SUCLG2: variants seen among roughly 807,000 people sequenced by gnomAD.
The protein encoded by SUCLG2 is succinate--CoA ligase [GDP-forming] subunit beta, mitochondrial.
A neutral mutation model predicts 47.9 loss-of-function variants in SUCLG2; 42 were observed. That is an observed-to-expected ratio of 0.88 (90% CI 0.69 to 1.14). The LOEUF (loss-of-function observed/expected upper bound fraction) is 1.14. Ranked by LOEUF, SUCLG2 falls within the 50% of genes most tolerant of loss-of-function variation. The pLI is 0.00. For synonymous variants in SUCLG2, 195 were observed against 197.3 expected, an observed-to-expected ratio of 0.99 and a Z score of 0.10; for missense variants, 571 against 525.9, an observed-to-expected ratio of 1.09 and a Z score of -0.84.
At chr3:67,513,114 G>C (rs1415017923) in intron 6 of SUCLG2, among the ~76,000 whole-genome samples, 1 of 144,886 alleles carries the variant, frequency 6.9e-6, no homozygotes, top group Admixed American at 6.7e-5. Flanking sequence ...TTGTCTTTTT[G>C]TAACTGGCTT....
chr3:67,605,490 T>C (rs1048051811), intron 2 of SUCLG2, among the ~76,000 whole-genome samples: 1 of 152,206 alleles, frequency 6.6e-6, no homozygotes, highest in Non-Finnish European at 1.5e-5. Context: ...AGAGGAGACC[T>C]TCCTTCTACC....
At position 67,563,893 on chromosome 3, in the gene SUCLG2, G is replaced by A. The variant is rs377162519; in HGVS notation, c.227-34707C>T. ...GGAGAATGGCGTGAACCCGAGAGGCGAGCTTGCAGTGAGCGGAGATCTCGC... is the reference window on the plus strand; with the variant it reads ...GGAGAATGGCGTGAACCCGAGAGGCAAGCTTGCAGTGAGCGGAGATCTCGC... On this transcript the variant is annotated intron_variant, in intron 2 of 10. Transcript: ENST00000307227. Among the ~76,000 whole-genome samples the A allele has an allele frequency of 1.7e-3, 248 of 149,816 alleles. 3 individuals are homozygous for A. The highest frequency in any genetic ancestry group is 5.9e-3 in the African/African-American group (239 of 40,670).
Position 67,400,753 on chromosome 3 carries a change from C to T in SUCLG2, c.1161G>A (p.Val387=). 7.4e-6 allele frequency: 12 copies of T among 1,611,832 alleles called. No homozygotes were observed. Among genetic ancestry groups the T allele is most frequent in the Non-Finnish European group, 1.0e-5 (12 of 1,179,912 alleles). Residue 387 remains valine, a synonymous_variant, in exon 10 of 11, where the codon GTG becomes GTA. Transcript: ENST00000307227. ...TKACRELELK[V]PLVVRLEGTN... Reference sequence around the variant, plus strand: ...CACCTTCAAGCCGGACCACCAGGGGCACCTTGAGTTCTAGCTCCCGGCAGG... The same window carrying T: ...CACCTTCAAGCCGGACCACCAGGGGTACCTTGAGTTCTAGCTCCCGGCAGG...
intron 2 of SUCLG2, among the ~76,000 whole-genome samples, chr3:67,608,818 C>T (rs141675327): frequency 2.6e-5 from 4 of 152,022 alleles, no homozygotes; most frequent in African/African-American, 4.8e-5. Context: ...GCTAGGACTA[C>T]AGGCATACAC....
intron 2 of SUCLG2, among the ~76,000 whole-genome samples, chr3:67,596,745 A>C (rs553231301): frequency 2.0e-5 from 3 of 152,338 alleles, no homozygotes; most frequent in African/African-American, 7.2e-5. Context: ...GAGGTTACTT[A>C]AATCACAGGG....
intron 1 of SUCLG2, among the ~76,000 whole-genome samples, chr3:67,611,716 T>C (rs926803150): frequency 2.5e-4 from 38 of 152,294 alleles, no homozygotes; most frequent in African/African-American, 9.1e-4. Context: ...CACAATGTGG[T>C]TGTGGTCAAT....
chr3:67,367,191 T>C (rs1405192505), intron 10 of SUCLG2, among the ~76,000 whole-genome samples: 1 of 152,198 alleles, frequency 6.6e-6, no homozygotes, highest in African/African-American at 2.4e-5. Flanking sequence ...GACACTAAAA[T>C]GTAAACTGAG....
intron 2 of SUCLG2, among the ~76,000 whole-genome samples, chr3:67,589,549 A>G (rs1354876471): frequency 6.6e-6 from 1 of 152,234 alleles, no homozygotes; most frequent in Non-Finnish European, 1.5e-5. Flanking sequence ...GAATGAGGTG[A>G]TAAGTCCTCA....
chr3:67,447,417 C>G (rs1488556356), intron 9 of SUCLG2, among the ~76,000 whole-genome samples: 1 of 152,116 alleles, frequency 6.6e-6, no homozygotes, highest in South Asian at 2.1e-4. Flanking sequence ...GCAGTTATTA[C>G]ATGGCAGGCA....
chr3:67,538,645 T>C (rs555492300), intron 2 of SUCLG2, among the ~76,000 whole-genome samples: 1 of 152,372 alleles, frequency 6.6e-6, no homozygotes, highest in African/African-American at 2.4e-5. Flanking sequence ...TAAATTACTT[T>C]GGGCAGTATG....
chr3:67,571,619 T>A (rs921944892), intron 2 of SUCLG2, among the ~76,000 whole-genome samples: 1 of 152,194 alleles, frequency 6.6e-6, no homozygotes, highest in African/African-American at 2.4e-5. Context: ...GACCATATAT[T>A]AGAACAAGTT....
rs1314821761 is a variant in SUCLG2, at chr3:67,374,971, A to C, written c.*773T>G. ...TGATCTTCAGTGTTGTCTCATCTTG[A>C]AATATCTTAATAACAGAGATTTCCA... is the stretch of plus-strand genomic sequence containing the variant. On this transcript the variant is annotated 3_prime_UTR_variant, in exon 11 of 11. Transcript: ENST00000307227. 2 of 985,710 alleles carry C rather than the reference A, an allele frequency of 2.0e-6. No homozygotes were observed. The highest frequency in any genetic ancestry group is 3.5e-5 in the African/African-American group (2 of 57,236). The allele number at this position is 985,710 out of a possible 1,614,324, so 61.1% of individuals were successfully genotyped here. A position where few individuals can be genotyped will look rare whatever the true frequency, so the allele number is the denominator to read the frequency against.
intron 9 of SUCLG2, among the ~76,000 whole-genome samples, chr3:67,466,125 G>A (rs1167632070): frequency 6.6e-6 from 1 of 151,964 alleles, no homozygotes; most frequent in Non-Finnish European, 1.5e-5. Context: ...GGCTGAGGCA[G>A]GTGGATCACC....
At chr3:67,411,229 G>GA (rs11385794) in intron 9 of SUCLG2, among the ~76,000 whole-genome samples, 11,655 of 150,544 alleles carry the variant, frequency 0.077, 486 homozygotes, top group East Asian at 0.11. Context: ...ACATCAATTA[G>GA]AAAAAAAAAT....
intron 10 of SUCLG2, among the ~76,000 whole-genome samples, chr3:67,397,480 T>G (rs1359994025): frequency 6.6e-6 from 1 of 152,150 alleles, no homozygotes; most frequent in Non-Finnish European, 1.5e-5. Context: ...AAGGACCTCT[T>G]CAAGGAGAAC....
intron 10 of SUCLG2, among the ~76,000 whole-genome samples, chr3:67,363,961 A>C (rs1439683730): frequency 6.6e-6 from 1 of 152,204 alleles, no homozygotes; most frequent in Non-Finnish European, 1.5e-5. Flanking sequence ...TGCCTCATAT[A>C]TCCCAGAGTT....
intron 2 of SUCLG2, among the ~76,000 whole-genome samples, chr3:67,555,743 A>G (rs867689030): frequency 6.6e-6 from 1 of 152,328 alleles, no homozygotes; most frequent in Non-Finnish European, 1.5e-5. Context: ...CTAAAATACC[A>G]ACCAGCAAAT....
In SUCLG2 at chr3:67,450,321, C is replaced by T. The variant is rs186632336; in HGVS notation, c.1062+45477G>A. Among the ~76,000 whole-genome samples, 5 of 152,298 alleles carry T rather than the reference C, an allele frequency of 3.3e-5. No individual in the cohort carries two copies. In the East Asian group the frequency reaches 7.7e-4, roughly 24 times the overall value. On this transcript the variant is annotated intron_variant, in intron 9 of 10. Coordinates refer to ENST00000307227, the MANE Select transcript of SUCLG2 (RefSeq NM_003848.4). Reference sequence around the variant, plus strand: ...CCTCCTGAGTGGCTGAAATTACAGGCTCAAGCTACCAAACCTGGGAAAATG... The same window carrying T: ...CCTCCTGAGTGGCTGAAATTACAGGTTCAAGCTACCAAACCTGGGAAAATG...
At chr3:67,535,182 C>T (rs1706506330) in intron 2 of SUCLG2, among the ~76,000 whole-genome samples, 4 of 151,190 alleles carry the variant, frequency 2.6e-5, no homozygotes, top group Admixed American at 2.6e-4. Context: ...ATGTCTCCCC[C>T]TGATTTTCAA....
Sources: gnomAD v4.1 joint callset for allele counts (sites outside exome capture counted in the v4.1 genomes callset) on GRCh38, gnomAD v4.1.1 for gene constraint, MANE v1.5 for transcripts, NCBI Gene and HGNC (gene_info 2026-07-23, HGNC 2026-07-21) for gene names.